Variants in DENND2C observed in about 807,000 individuals in gnomAD.
The protein encoded by DENND2C is DENN domain-containing protein 2C.
Under a neutral mutation model 112.4 loss-of-function variants are expected in DENND2C, and 72 were observed. That is an observed-to-expected ratio of 0.64 (90% CI 0.53 to 0.78). DENND2C has a LOEUF of 0.78. Among genes scored for constraint, DENND2C ranks in the 30% least tolerant of loss-of-function variants. DENND2C has a pLI of 0.00. For missense variants in DENND2C, 992 were observed against 1,113.8 expected (o/e 0.89, Z 1.56); for synonymous variants, 329 against 381.6 (o/e 0.86, Z 1.61).
At chr1:114,664,935 A>C (rs1341960409) in intron 1 of DENND2C, among the ~76,000 whole-genome samples, 1 of 32,464 alleles carries the variant, frequency 3.1e-5, no homozygotes, top group East Asian at 3.1e-4. Context: ...TCTACCAAAA[A>C]TACAAAAAAT....
In DENND2C at chr1:114,585,489, C is replaced by CT; in HGVS notation, c.*110dup. 1 of 1,212,596 alleles carries CT rather than the reference C, an allele frequency of 8.2e-7. No individual in the cohort carries two copies. The highest frequency in any genetic ancestry group is 1.2e-6 in the Non-Finnish European group (1 of 838,690). The allele number at this position is 1,212,596 out of a possible 1,614,324, so 75.1% of individuals were successfully genotyped here. On this transcript the variant is annotated 3_prime_UTR_variant, in exon 21 of 21. Coordinates refer to ENST00000393274, the MANE Select transcript of DENND2C (RefSeq NM_001256404.2). ...CTAACAGCCTGACTCGCTCTTTAAC[C>CT]TTTTAAAATTTCAAGAATTTTGTAG...
chr1:114,624,594 C>G (rs1656276811), intron 4 of DENND2C, among the ~76,000 whole-genome samples: 1 of 150,270 alleles, frequency 6.7e-6, no homozygotes, highest in Non-Finnish European at 1.5e-5. Context: ...GCCACCACAC[C>G]CAGCTCCTAT....
At chr1:114,587,589 T>C (rs1655073994) in intron 19 of DENND2C, 116 bp from the exon 20 acceptor site, 2 of 1,418,968 alleles carry the variant, frequency 1.4e-6, no homozygotes, top group South Asian at 2.5e-5. Context: ...TATTACAAAA[T>C]AATTCTCATA....
At chr1:114,647,395 C>T (rs973168470) in intron 2 of DENND2C, among the ~76,000 whole-genome samples, 33 of 151,592 alleles carry the variant, frequency 2.2e-4, no homozygotes, top group African/African-American at 7.5e-4. Flanking sequence ...TGCTCTGTCA[C>T]CGAGGCTGGG....
intron 17 of DENND2C, among the ~76,000 whole-genome samples, chr1:114,594,783 T>G (rs935349115): frequency 6.6e-6 from 1 of 152,214 alleles, no homozygotes; most frequent in Non-Finnish European, 1.5e-5. Context: ...ATATATACTT[T>G]GTAAAATTTT....
At chr1:114,629,343 C>A (rs1158097955) in intron 3 of DENND2C, among the ~76,000 whole-genome samples, 1 of 152,078 alleles carries the variant, frequency 6.6e-6, no homozygotes, top group Non-Finnish European at 1.5e-5. Flanking sequence ...AATGGTGCAA[C>A]CTCGGCTCAC....
rs746759073 is a variant in DENND2C at position 114,626,016 on chromosome 1, T to A, written c.-32A>T. 6.4e-7 allele frequency: 1 copy of A among 1,555,798 alleles called. No individual in the cohort carries two copies. Among genetic ancestry groups the A allele is most frequent in the South Asian group, 1.2e-5 (1 of 84,972 alleles). ...AACTGGGTGAATGACAAGTGATGAA[T>A]CTTACAAAGGTTCCATTACAAGTAA... On this transcript the variant is annotated 5_prime_UTR_variant, in exon 4 of 21. Transcript: ENST00000393274.
chr1:114,602,280 C>A, intron 11 of DENND2C, 86 bp from the exon 12 acceptor site: 1 of 1,321,116 alleles, frequency 7.6e-7, no homozygotes, highest in South Asian at 1.4e-5. Context: ...AACTAGAGTC[C>A]AACAGTAGTC....
intron 8 of DENND2C, among the ~76,000 whole-genome samples, chr1:114,615,549 T>A (rs1655941643): frequency 6.6e-6 from 1 of 152,218 alleles, no homozygotes; most frequent in South Asian, 2.1e-4. Flanking sequence ...CTTCATTCCA[T>A]AAATGGTAGC....
intron 1 of DENND2C, among the ~76,000 whole-genome samples, chr1:114,656,156 C>A (rs907614390): frequency 2.6e-5 from 4 of 151,724 alleles, no homozygotes; most frequent in African/African-American, 9.7e-5. Context: ...CCAACTCAAC[C>A]ACCTGGGCTT....
At chr1:114,644,962 A>C (rs12096424) in intron 3 of DENND2C, among the ~76,000 whole-genome samples, 35,230 of 152,106 alleles carry the variant, frequency 0.23, 4,477 homozygotes, top group Non-Finnish European at 0.28. Flanking sequence ...TGAAACTAAA[A>C]ATTTAAAGGC....
intron 1 of DENND2C, among the ~76,000 whole-genome samples, chr1:114,657,222 T>G (rs561051377): frequency 6.6e-6 from 1 of 152,350 alleles, no homozygotes; most frequent in South Asian, 2.1e-4. Flanking sequence ...CTCACTGTGG[T>G]TTCCATGTCA....
rs1273522844 is a variant in DENND2C, at chr1:114,625,271, A to T, written c.714T>A (p.Cys238Ter). 7 of 1,614,150 alleles carry T rather than the reference A, an allele frequency of 4.3e-6. No homozygotes were observed. The highest frequency in any genetic ancestry group is 5.9e-6 in the Non-Finnish European group (7 of 1,180,026). ...YKERNCDKKY[C>*]ENNSCAQSSL... is the part of the protein sequence containing the mutation. ...AAGATTGTGCACAAGAGTTATTTTC[A>T]CAGTATTTTTTGTCACAGTTTCTTT... Residue 238 changes from cysteine (C) to a stop codon, truncating the protein, a stop_gained, in exon 4 of 21, where the codon TGT (cysteine) becomes TGA (stop). Transcript: ENST00000393274. LOFTEE classifies it high-confidence loss of function.
intron 3 of DENND2C, among the ~76,000 whole-genome samples, chr1:114,642,825 A>G (rs138501939): frequency 6.6e-6 from 1 of 152,362 alleles, no homozygotes; most frequent in East Asian, 1.9e-4. Flanking sequence ...TGACTGGAAT[A>G]CAGTAACTGC....
chr1:114,625,652 T>A lies in DENND2C; in HGVS notation c.333A>T (p.Glu111Asp). ...GAGAACATACCCAGTTGGATTCTGA[T>A]TCATTTTTAAAGAAGTGTGTATCGT... ...EYDDTHFFKN[E>D]SESNWVCSRV... The change falls in exon 4 of 21, where the codon GAA (glutamate) becomes GAT (aspartate). Residue 111 changes from glutamate to aspartate, a missense_variant. Transcript: ENST00000393274. The A allele has an allele frequency of 6.2e-7, 1 of 1,614,190 alleles. No individual in the cohort carries two copies. Among genetic ancestry groups the A allele is most frequent in the Non-Finnish European group, 8.5e-7 (1 of 1,180,028 alleles).
At chr1:114,624,294 T>A (rs1656268641) in intron 4 of DENND2C, among the ~76,000 whole-genome samples, 1 of 152,112 alleles carries the variant, frequency 6.6e-6, no homozygotes, top group Non-Finnish European at 1.5e-5. Flanking sequence ...TTTTTTTGAA[T>A]TTAATTTTTA....
intron 4 of DENND2C, among the ~76,000 whole-genome samples, chr1:114,624,167 C>T (rs1449070604): frequency 6.6e-6 from 1 of 152,192 alleles, no homozygotes; most frequent in Admixed American, 6.5e-5. Flanking sequence ...TGCTTGTAGC[C>T]AATCACATTC....
At chr1:114,659,987 C>A (rs1442982186) in intron 1 of DENND2C, among the ~76,000 whole-genome samples, 2 of 152,084 alleles carry the variant, frequency 1.3e-5, no homozygotes, top group Non-Finnish European at 2.9e-5. Context: ...GACTGGGTTT[C>A]GCCATGTTGC....
At chr1:114,648,066 C>A (rs1051654675) in intron 2 of DENND2C, among the ~76,000 whole-genome samples, 2 of 152,216 alleles carry the variant, frequency 1.3e-5, no homozygotes, top group African/African-American at 4.8e-5. Flanking sequence ...CCTTGGCCTC[C>A]CAAAGTGCTG....
Sources: gnomAD v4.1 joint callset for allele counts (sites outside exome capture counted in the v4.1 genomes callset) on GRCh38, gnomAD v4.1.1 for gene constraint, MANE v1.5 for transcripts, NCBI Gene and HGNC (gene_info 2026-07-23, HGNC 2026-07-21) for gene names.